TRPM6: variants seen among roughly 807,000 people sequenced by gnomAD.
TRPM6 encodes the protein channel kinase 2.
In TRPM6, 111 loss-of-function variants were observed where a neutral mutation model predicts 247.6. That is an observed-to-expected ratio of 0.45 (90% confidence interval 0.38 to 0.52). The LOEUF (loss-of-function observed/expected upper bound fraction) is 0.52, where lower values mean the gene tolerates loss of function less well. Among genes scored for constraint, TRPM6 ranks in the 20% least tolerant of loss-of-function variants. The probability of loss-of-function intolerance (pLI) is 0.00; values close to 1 mark genes in which losing one functional copy is unlikely to be tolerated. For missense variants in TRPM6, 2,126 were observed against 2,421.5 expected (o/e 0.88, Z 2.56); for synonymous variants, 892 against 853.8 (o/e 1.04, Z -0.78).
chr9:74,734,793 T>A (rs1316281307), intron 36 of TRPM6, among the ~76,000 whole-genome samples: 1 of 152,168 alleles, frequency 6.6e-6, no homozygotes, highest in Non-Finnish European at 1.5e-5. Flanking sequence ...GAACTCCTTA[T>A]AAGAATGAGG....
intron 6 of TRPM6, among the ~76,000 whole-genome samples, chr9:74,833,648 A>T (rs1478610369): frequency 6.6e-6 from 1 of 152,264 alleles, no homozygotes; most frequent in East Asian, 1.9e-4. Context: ...GGCTATTGCA[A>T]TCATTCAGGC....
At chr9:74,743,052 C>T (rs877809) in intron 32 of TRPM6, among the ~76,000 whole-genome samples, 34,868 of 152,108 alleles carry the variant, frequency 0.23, 7,214 homozygotes, top group African/African-American at 0.56. Context: ...CAGAGAGAGC[C>T]GAAGACCGAT....
intron 4 of TRPM6, among the ~76,000 whole-genome samples, chr9:74,841,708 T>C (rs1225750421): frequency 6.6e-6 from 1 of 152,180 alleles, no homozygotes; most frequent in African/African-American, 2.4e-5. Context: ...TTTCGCCATG[T>C]TGGCCAGGCT....
intron 24 of TRPM6, among the ~76,000 whole-genome samples, chr9:74,772,121 C>G (rs1440412128): frequency 6.6e-6 from 1 of 152,056 alleles, no homozygotes; most frequent in Admixed American, 6.6e-5. Context: ...CAGACCCTCT[C>G]TCTACAAAAA....
At chr9:74,835,439 C>T (rs1304996885) in intron 5 of TRPM6, among the ~76,000 whole-genome samples, 1 of 152,082 alleles carries the variant, frequency 6.6e-6, no homozygotes, top group Admixed American at 6.5e-5. Context: ...CAGATATGTC[C>T]CTTGCTCATT....
chr9:74,748,013 T>C, intron 30 of TRPM6, 99 bp from the exon 31 acceptor site: 1 of 1,061,278 alleles, frequency 9.4e-7, no homozygotes, highest in Non-Finnish European at 1.4e-6. Flanking sequence ...CAACACAAAG[T>C]ATATATTTTA....
chr9:74,778,607 G>A lies in TRPM6; in HGVS notation c.3210-2531C>T, dbSNP rs575907715. ...TGGCTTCAAGGCTGTTCTCTGGGCCGTTTGCAGGAGATCTGCAGGTACCAG... is the reference window on the plus strand; with the variant it reads ...TGGCTTCAAGGCTGTTCTCTGGGCCATTTGCAGGAGATCTGCAGGTACCAG... On this transcript the variant is annotated intron_variant, in intron 23 of 38. Coordinates refer to ENST00000360774, the MANE Select transcript of TRPM6 (RefSeq NM_017662.5). 4.1e-4 allele frequency among the ~76,000 whole-genome samples: 62 copies of A among 152,296 alleles called. No individual in the cohort carries two copies. In the South Asian group the frequency reaches 9.1e-3, roughly 22 times the overall value.
At chr9:74,800,592 G>T in intron 16 of TRPM6, 110 bp from the exon 17 acceptor site, 3 of 709,188 alleles carry the variant, frequency 4.2e-6, no homozygotes, top group East Asian at 2.9e-5. Flanking sequence ...GTGAGGCTCA[G>T]AAAATATCAA....
Position 74,782,759 on chromosome 9 carries a change from G to A in TRPM6, c.3014C>T (p.Pro1005Leu). ...RKAILSPKEPPSWSLARDIVF... is the reference protein window; with the variant it reads ...RKAILSPKEPLSWSLARDIVF... ...AATATCTCGAGCTAGACTCCAAGAT[G>A]GTGGCTCTTTTGGCGAAAGGATGGC... is the stretch of plus-strand genomic sequence containing the variant. Residue 1005 changes from proline (P) to leucine (L), a missense_variant, in exon 22 of 39, where the codon CCA (proline) becomes CTA (leucine). Physicochemically the swap from Pro to Leu is moderately conservative, Grantham distance 98 (BLOSUM62 -3). Coordinates refer to ENST00000360774, the MANE Select transcript of TRPM6 (RefSeq NM_017662.5). 1 of 1,614,074 alleles carries A rather than the reference G, an allele frequency of 6.2e-7. No individual in the cohort carries two copies. Among genetic ancestry groups the A allele is most frequent in the South Asian group, 1.1e-5 (1 of 91,080 alleles).
chr9:74,840,008 A>T lies in TRPM6; in HGVS notation c.544+16T>A. ...GTGAAAGAGAGGGTGGGAGAAATGG[A>T]GGGAGGGAGCTTTACCTGTATTGAT... On this transcript the variant is annotated intron_variant, in intron 5 of 38. Coordinates refer to ENST00000360774, the MANE Select transcript of TRPM6 (RefSeq NM_017662.5). 6.3e-7 allele frequency: 1 copy of T among 1,589,814 alleles called. No homozygotes were observed. Among genetic ancestry groups the T allele is most frequent in the Non-Finnish European group, 8.6e-7 (1 of 1,158,186 alleles).
chr9:74,753,863 C>T (rs1826349032), intron 28 of TRPM6, among the ~76,000 whole-genome samples: 1 of 152,108 alleles, frequency 6.6e-6, no homozygotes, highest in African/African-American at 2.4e-5. Context: ...CCTCATTACT[C>T]ACTCAGATTA....
intron 36 of TRPM6, among the ~76,000 whole-genome samples, chr9:74,737,907 C>G (rs1198638884): frequency 6.6e-6 from 1 of 152,140 alleles, no homozygotes; most frequent in Non-Finnish European, 1.5e-5. Flanking sequence ...ATGTGCTGAC[C>G]AAAGGCTTCC....
chr9:74,818,434 C>T (rs1829024654), intron 9 of TRPM6, among the ~76,000 whole-genome samples: 1 of 149,886 alleles, frequency 6.7e-6, no homozygotes, highest in Non-Finnish European at 1.5e-5. Context: ...TCCCAAGTAG[C>T]TGGGATTATA....
intron 33 of TRPM6, among the ~76,000 whole-genome samples, chr9:74,741,870 A>G (rs1257597106): frequency 2.0e-5 from 3 of 150,714 alleles, no homozygotes; most frequent in African/African-American, 7.4e-5. Flanking sequence ...AGCCTGGGCA[A>G]CGAGAGTGAA....
At chr9:74,874,508 G>A (rs927961387) in intron 1 of TRPM6, among the ~76,000 whole-genome samples, 1 of 152,142 alleles carries the variant, frequency 6.6e-6, no homozygotes, top group African/African-American at 2.4e-5. Context: ...CTTTCTTTAA[G>A]TCACTGAGGA....
intron 21 of TRPM6, among the ~76,000 whole-genome samples, chr9:74,783,687 G>A (rs1436063584): frequency 1.3e-5 from 2 of 152,148 alleles, no homozygotes; most frequent in African/African-American, 4.8e-5. Context: ...AAATATATTG[G>A]TTATCTCGGC....
intron 37 of TRPM6, among the ~76,000 whole-genome samples, chr9:74,728,596 T>C (rs1825415437): frequency 6.6e-6 from 1 of 152,216 alleles, no homozygotes; most frequent in Admixed American, 6.5e-5. Flanking sequence ...GCTAATCTGA[T>C]AGAAGAGTGA....
chr9:74,768,230 T>A (rs1826894856), intron 25 of TRPM6, among the ~76,000 whole-genome samples: 1 of 152,224 alleles, frequency 6.6e-6, no homozygotes, highest in Admixed American at 6.5e-5. Context: ...GTCTTCTCCA[T>A]GAGTTTCTCT....
chr9:74,783,533 A>G (rs1388063091), intron 21 of TRPM6, among the ~76,000 whole-genome samples: 1 of 152,200 alleles, frequency 6.6e-6, no homozygotes, highest in African/African-American at 2.4e-5. Context: ...ACTCCCTACC[A>G]TAGACCTTAG....
Sources: gnomAD v4.1 joint callset for allele counts (sites outside exome capture counted in the v4.1 genomes callset) on GRCh38, gnomAD v4.1.1 for gene constraint, MANE v1.5 for transcripts, NCBI Gene and HGNC (gene_info 2026-07-23, HGNC 2026-07-21) for gene names.